PTPN13: variants seen among roughly 807,000 people sequenced by gnomAD.
The protein encoded by PTPN13 is protein tyrosine phosphatase non-receptor type 13, also known as tyrosine-protein phosphatase non-receptor type 13.
A neutral mutation model predicts 284.0 loss-of-function variants in PTPN13; 191 were observed. The ratio of observed to expected loss-of-function variants is 0.67; its 90% CI spans 0.60 to 0.76. The LOEUF is 0.76. PTPN13 is among the 30% of genes least tolerant of loss of function. The pLI is 0.00. For missense variants in PTPN13, 2,797 were observed against 2,939.9 expected (o/e 0.95, Z 1.12); for synonymous variants, 986 against 1,022.3 (o/e 0.96, Z 0.68).
At position 86,774,506 on chromosome 4, in the gene PTPN13, T is replaced by A; in HGVS notation, c.5483T>A (p.Leu1828Gln). ...IQDPAKSDGR[L>Q]KPGDRLIKVN... ...GATCCAGCCAAAAGTGATGGAAGGC[T>A]AAAACCTGGGGACCGGCTCATAAAG... The change falls in exon 33 of 48, where the codon CTA (leucine) becomes CAA (glutamine). Residue 1828 changes from leucine (L) to glutamine (Q), a missense_variant. Transcript: ENST00000411767. The A allele has an allele frequency of 6.2e-7, 1 of 1,603,002 alleles. No homozygotes were observed. The highest frequency in any genetic ancestry group is 8.5e-7 in the Non-Finnish European group (1 of 1,174,606).
chr4:86,686,852 G>A (rs868611901), intron 4 of PTPN13, 77 bp downstream of exon 4: 65 of 977,942 alleles, frequency 6.6e-5, no homozygotes, highest in Middle Eastern at 2.8e-4. Flanking sequence ...TCTTCCACAC[G>A]TTTATACGTG....
At chr4:86,613,295 T>C (rs1442784063) in intron 1 of PTPN13, among the ~76,000 whole-genome samples, 1 of 152,184 alleles carries the variant, frequency 6.6e-6, no homozygotes, top group Admixed American at 6.5e-5. Context: ...ATAAACCACA[T>C]TGTTTGCACA....
chr4:86,643,286 G>A (rs1724031537), intron 2 of PTPN13, among the ~76,000 whole-genome samples: 1 of 152,186 alleles, frequency 6.6e-6, no homozygotes. Context: ...ATACCAGCAA[G>A]TGTCCTGCAA....
At chr4:86,747,878 G>T (rs537595059) in intron 17 of PTPN13, among the ~76,000 whole-genome samples, 66 of 152,288 alleles carry the variant, frequency 4.3e-4, no homozygotes, top group Non-Finnish European at 7.9e-4. Context: ...AATGTATGCT[G>T]CTTCTTTAGA....
chr4:86,776,226 G>A (rs566996850), intron 35 of PTPN13, among the ~76,000 whole-genome samples: 2 of 152,232 alleles, frequency 1.3e-5, no homozygotes, highest in Admixed American at 1.3e-4. Context: ...GATTACAGGC[G>A]TGAGCCACCC....
chr4:86,601,257 C>T lies in PTPN13; in HGVS notation c.-6+6468C>T, dbSNP rs556387237. On this transcript the variant is annotated intron_variant, in intron 1 of 47. Coordinates refer to ENST00000411767, the MANE Select transcript of PTPN13 (RefSeq NM_080683.3). Reference sequence around the variant, plus strand: ...ATAGAAACTTTAGTTTGGGAATGTTCGGTTATCAAATCTACACCAGATAAA... The same window carrying T: ...ATAGAAACTTTAGTTTGGGAATGTTTGGTTATCAAATCTACACCAGATAAA... Among the ~76,000 whole-genome samples the T allele has an allele frequency of 4.6e-5, 7 of 151,972 alleles. No individual in the cohort carries two copies. The South Asian group carries it at 6.2e-4, about 14-fold the overall frequency.
intron 2 of PTPN13, chr4:86,661,206 T>A (rs1726448887): frequency 2.6e-6 from 1 of 379,398 alleles, no homozygotes; most frequent in Non-Finnish European, 5.1e-6. Context: ...AATATTTGCC[T>A]GGTTTTGGAC....
intron 28 of PTPN13, among the ~76,000 whole-genome samples, chr4:86,769,323 G>A (rs543193338): frequency 6.0e-5 from 9 of 151,070 alleles, no homozygotes; most frequent in African/African-American, 1.9e-4. Context: ...GTCTGTTATC[G>A]TACTCTGTTT....
chr4:86,758,891 A>G, intron 22 of PTPN13, 51 bp from the exon 23 acceptor site: 1 of 1,592,436 alleles, frequency 6.3e-7, no homozygotes, highest in Admixed American at 1.8e-5. Context: ...TCTAAGATTC[A>G]GAATAAATGT....
At chr4:86,810,440 CAATT>C (rs1281893979) in intron 46 of PTPN13, among the ~76,000 whole-genome samples, 12 of 146,700 alleles carry the variant, frequency 8.2e-5, no homozygotes. Flanking sequence ...AGTTTCTAAA[CAATT>C]ACTCTACATA....
chr4:86,775,179 T>C lies in PTPN13; in HGVS notation c.5517T>C (p.Asp1839=), dbSNP rs754381251. The C allele has an allele frequency of 6.3e-7, 1 of 1,597,830 alleles. No homozygotes were observed. Among genetic ancestry groups the C allele is most frequent in the South Asian group, 1.2e-5 (1 of 86,896 alleles). Residue 1839 remains aspartate, a synonymous_variant, in exon 34 of 48, where the codon GAT becomes GAC. Transcript: ENST00000411767. ...CTTTCTTGTTTTTGTAGGTTAATGA[T>C]ACAGATGTTACTAATATGACTCATA... ...KPGDRLIKVN[D]TDVTNMTHTD...
chr4:86,726,720 G>T (rs757449270), intron 10 of PTPN13, among the ~76,000 whole-genome samples: 3 of 149,228 alleles, frequency 2.0e-5, no homozygotes, highest in Non-Finnish European at 4.5e-5. Context: ...GGGCTGAGAC[G>T]ATGGGGTTTT....
chr4:86,613,413 A>T (rs1207022481), intron 1 of PTPN13, among the ~76,000 whole-genome samples: 5 of 152,028 alleles, frequency 3.3e-5, no homozygotes, highest in Admixed American at 3.3e-4. Context: ...AGGCGGGCAG[A>T]TCACGAAGTC....
At position 86,711,372 on chromosome 4, in the gene PTPN13, C is replaced by G. The variant is rs1160479247; in HGVS notation, c.1196-5158C>G. 3.3e-5 allele frequency among the ~76,000 whole-genome samples: 5 copies of G among 151,906 alleles called. No homozygotes were observed. The East Asian group carries it at 9.6e-4, about 29-fold the overall frequency. On this transcript the variant is annotated intron_variant, in intron 7 of 47. Transcript: ENST00000411767. ...CCTTATTGTTTTCATTCTTTCATGA[C>G]TATTCTACAAAATGGTTTTGGAGAG... is the stretch of plus-strand genomic sequence containing the variant.
intron 1 of PTPN13, among the ~76,000 whole-genome samples, chr4:86,599,816 A>T (rs2149147612): frequency 6.6e-6 from 1 of 152,186 alleles, no homozygotes; most frequent in African/African-American, 2.4e-5. Flanking sequence ...TTTCTTTTCA[A>T]AGTTAACTGA....
chr4:86,787,262 C>T (rs933448304), intron 40 of PTPN13, among the ~76,000 whole-genome samples: 3 of 151,816 alleles, frequency 2.0e-5, no homozygotes, highest in East Asian at 3.9e-4. Flanking sequence ...AATATTACAT[C>T]CTTATTGTAA....
chr4:86,771,867 G>C (rs1471374535), intron 31 of PTPN13, among the ~76,000 whole-genome samples: 1 of 152,182 alleles, frequency 6.6e-6, no homozygotes, highest in African/African-American at 2.4e-5. Flanking sequence ...GGAGACTAGG[G>C]ACCAGAAATA....
At chr4:86,657,218 G>GCTGCACCCACTGTC (rs1357627503) in intron 2 of PTPN13, among the ~76,000 whole-genome samples, 1 of 152,068 alleles carries the variant, frequency 6.6e-6, no homozygotes, top group Non-Finnish European at 1.5e-5. Context: ...TGCTCGGTGG[G>GCTGCACCCACTGTC]CTGCACCCAC....
intron 11 of PTPN13, 45 bp downstream of exon 11, chr4:86,732,519 A>G: frequency 1.9e-6 from 3 of 1,593,018 alleles, no homozygotes; most frequent in Non-Finnish European, 2.6e-6. Context: ...AAATAATTTC[A>G]GTAGTGTTAA....
Sources: allele counts gnomAD v4.1 joint callset (sites outside exome capture counted in the v4.1 genomes callset), GRCh38; gene constraint gnomAD v4.1.1; transcripts MANE v1.5; gene names NCBI Gene and HGNC (gene_info 2026-07-23, HGNC 2026-07-21).